TOMM40L: variants seen among roughly 807,000 people sequenced by gnomAD.
TOMM40L encodes translocase of outer mitochondrial membrane 40 like.
TOMM40L carries 17 observed loss-of-function variants against 38.3 expected under a neutral mutation model. The ratio of observed to expected loss-of-function variants is 0.44; its 90% CI spans 0.30 to 0.67. The LOEUF is 0.67. Among genes scored for constraint, TOMM40L ranks in the 30% least tolerant of loss-of-function variants. TOMM40L has a pLI of 0.08. For synonymous variants in TOMM40L, 151 were observed against 150.2 expected (o/e 1.01, Z -0.04); for missense variants, 294 against 390.0 (o/e 0.75, Z 2.07).
Position 161,227,283 on chromosome 1 carries a change from C to G in TOMM40L, c.209C>G (p.Ala70Gly), listed in dbSNP as rs1666408639. The G allele has an allele frequency of 6.2e-7, 1 of 1,614,052 alleles. No individual in the cohort carries two copies. Among genetic ancestry groups the G allele is most frequent in the Admixed American group, 1.7e-5 (1 of 59,996 alleles). The part of the protein sequence containing the change: ...FQVAHTIHMS[A>G]LGLPGYHLHA... ...GTGGCGCACACTATACACATGAGTG[C>G]CCTGGGCTTGCCGGGATATCACCTC... is the stretch of plus-strand genomic sequence containing the variant. Residue 70 changes from alanine to glycine, a missense_variant, in exon 4 of 10, where the codon GCC becomes GGC. By Grantham distance (60) the Ala-to-Gly change is moderately conservative. Coordinates refer to ENST00000367988, the MANE Select transcript of TOMM40L (RefSeq NM_032174.6).
rs1012976515 is a variant in TOMM40L at position 161,230,636 on chromosome 1, A to G, written c.*1541A>G. 2 of 785,464 alleles carry G rather than the reference A, an allele frequency of 2.5e-6. No homozygotes were observed. Among genetic ancestry groups the G allele is most frequent in the African/African-American group, 1.7e-5 (1 of 57,348 alleles). The allele number at this position is 785,464 out of a possible 1,614,324, so 48.7% of individuals were successfully genotyped here. A position where few individuals can be genotyped will look rare whatever the true frequency, so the allele number is the denominator to read the frequency against. ...AGATGAAACAGCAGTATCCAAATAC[A>G]GCAATTTGGATGCTGAAACGATGTG... On this transcript the variant is annotated 3_prime_UTR_variant, in exon 10 of 10. Coordinates refer to ENST00000367988, the MANE Select transcript of TOMM40L (RefSeq NM_032174.6).
intron 6 of TOMM40L, 52 bp from the exon 7 acceptor site, chr1:161,228,134 G>A (rs1418072584): frequency 6.4e-7 from 1 of 1,573,914 alleles, no homozygotes; most frequent in African/African-American, 1.4e-5. Flanking sequence ...TGAGGGAGCA[G>A]GTCTGGATAT....
rs753677361 is a variant in TOMM40L at position 161,227,293 on chromosome 1, G to A, written c.219G>A (p.Leu73=). ...AHTIHMSALG[L]PGYHLHAAYA... is the part of the protein sequence containing the mutation. ...CTATACACATGAGTGCCCTGGGCTT[G>A]CCGGGATATCACCTCCATGCGGCCT... is the stretch of plus-strand genomic sequence containing the variant. Residue 73 remains leucine, a synonymous_variant, in exon 4 of 10, where the codon TTG becomes TTA. Coordinates refer to ENST00000367988, the MANE Select transcript of TOMM40L (RefSeq NM_032174.6). The A allele has an allele frequency of 6.2e-7, 1 of 1,614,184 alleles. No homozygotes were observed. Among genetic ancestry groups the A allele is most frequent in the Admixed American group, 1.7e-5 (1 of 60,026 alleles).
At chr1:161,227,148 T>C (rs1329834319) in intron 3 of TOMM40L, 110 bp from the exon 4 acceptor site, 1 of 1,232,950 alleles carries the variant, frequency 8.1e-7, no homozygotes, top group Admixed American at 1.9e-5. Context: ...TATGTTGGAA[T>C]ATTTAGGATT....
At position 161,230,506 on chromosome 1, in the gene TOMM40L, C is replaced by T; in HGVS notation, c.*1411C>T. The T allele has an allele frequency of 3.8e-6, 2 of 527,190 alleles. No individual in the cohort carries two copies. The highest frequency in any genetic ancestry group is 3.2e-5 in the East Asian group (1 of 31,674). 32.7% of individuals were successfully genotyped at this position (527,190 alleles called of 1,614,324 possible). A position where few individuals can be genotyped will look rare whatever the true frequency, so the allele number is the denominator to read the frequency against. On this transcript the variant is annotated 3_prime_UTR_variant, in exon 10 of 10. Transcript: ENST00000367988. ...TCTGCGTTAGTCTGGAGAAGTTGGA[C>T]TAGTGAGGTAATGGATGTCATCAAT...
chr1:161,226,864 C>T lies in TOMM40L; in HGVS notation c.116-24C>T, dbSNP rs1327371325. On this transcript the variant is annotated intron_variant, in intron 2 of 9. Coordinates refer to ENST00000367988, the MANE Select transcript of TOMM40L (RefSeq NM_032174.6). ...AGGGGTTCTTTGTCTGTGCTTATTC[C>T]TTCCCTTCCCCTACCCCCTTCAGAT... The T allele has an allele frequency of 3.7e-6, 6 of 1,612,768 alleles. 1 individual carries two copies. Among genetic ancestry groups the T allele is most frequent in the Admixed American group, 3.3e-5 (2 of 59,870 alleles).
Position 161,229,941 on chromosome 1 carries a change from G to A in TOMM40L, c.*846G>A. On this transcript the variant is annotated 3_prime_UTR_variant, in exon 10 of 10. Coordinates refer to ENST00000367988, the MANE Select transcript of TOMM40L (RefSeq NM_032174.6). ...CATACAGAAACCTTTGGAGGAAGTAGTGGGGTTGCCAGGAAAACAGGAGGG... is the reference window on the plus strand; with the variant it reads ...CATACAGAAACCTTTGGAGGAAGTAATGGGGTTGCCAGGAAAACAGGAGGG... The A allele has an allele frequency of 6.2e-7, 1 of 1,614,074 alleles. No homozygotes were observed. The highest frequency in any genetic ancestry group is 8.5e-7 in the Non-Finnish European group (1 of 1,179,968).
At position 161,228,461 on chromosome 1, in the gene TOMM40L, C is replaced by T; in HGVS notation, c.641C>T (p.Ser214Leu). 1 of 1,614,116 alleles carries T rather than the reference C, an allele frequency of 6.2e-7. No homozygotes were observed. Among genetic ancestry groups the T allele is most frequent in the Admixed American group, 1.7e-5 (1 of 60,016 alleles). Reference sequence around the variant, plus strand: ...TGGGTAGCTACATTGAATGTGGGATCAGGCGGGGCCCATGCAAGTTACTAC... The same window carrying T: ...TGGGTAGCTACATTGAATGTGGGATTAGGCGGGGCCCATGCAAGTTACTAC... ...VHWVATLNVG[S>L]GGAHASYYHR... Residue 214 changes from serine (S) to leucine (L), a missense_variant, in exon 8 of 10, where the codon TCA becomes TTA. Transcript: ENST00000367988.
Position 161,228,823 on chromosome 1 carries a change from G to T in TOMM40L, c.787+6G>T, listed in dbSNP as rs778559948. 1.9e-6 allele frequency: 3 copies of T among 1,614,018 alleles called. No individual in the cohort carries two copies. The highest frequency in any genetic ancestry group is 2.7e-5 in the African/African-American group (2 of 74,904). On this transcript the variant is annotated splice_donor_region_variant and intron_variant, in intron 9 of 9. Coordinates refer to ENST00000367988, the MANE Select transcript of TOMM40L (RefSeq NM_032174.6). Reference sequence around the variant, plus strand: ...GGCCAACATGGTATTTAGAGGTGAGGGTTATTGGGAGACATTTGGCTATCC... The same window carrying T: ...GGCCAACATGGTATTTAGAGGTGAGTGTTATTGGGAGACATTTGGCTATCC...
intron 8 of TOMM40L, 86 bp from the exon 9 acceptor site, chr1:161,228,629 T>C: frequency 6.4e-7 from 1 of 1,561,260 alleles, no homozygotes; most frequent in Admixed American, 1.7e-5. Flanking sequence ...TTTACATGCA[T>C]GCCTCCATTC....
chr1:161,226,346 CTG>C lies in TOMM40L; in HGVS notation c.-135-7_-135-6del. 1 of 678,058 alleles carries C rather than the reference CTG, an allele frequency of 1.5e-6. No individual in the cohort carries two copies. The highest frequency in any genetic ancestry group is 2.5e-6 in the Non-Finnish European group (1 of 402,818). The allele number at this position is 678,058 out of a possible 1,614,324, so 42.0% of individuals were successfully genotyped here. A position where few individuals can be genotyped will look rare whatever the true frequency, so the allele number is the denominator to read the frequency against. ...TGAGTGCTCTCCTTCCCTACTCTTC[CTG>C]TTCCAGGTGTAGCGTCGGACCATGT... On this transcript the variant is annotated splice_region_variant and splice_polypyrimidine_tract_variant and intron_variant, in intron 1 of 9. Coordinates refer to ENST00000367988, the MANE Select transcript of TOMM40L (RefSeq NM_032174.6).
chr1:161,228,885 G>A (rs1003296079), intron 9 of TOMM40L, 68 bp downstream of exon 9: 8 of 1,613,570 alleles, frequency 5.0e-6, no homozygotes, highest in East Asian at 2.2e-5. Flanking sequence ...AGGGAAGCTC[G>A]ACCTTACTTC....
chr1:161,227,219 A>G (rs1385838311), intron 3 of TOMM40L, 39 bp from the exon 4 acceptor site: 4 of 1,585,320 alleles, frequency 2.5e-6, no homozygotes, highest in Non-Finnish European at 2.6e-6. Flanking sequence ...GAAGTGGAGC[A>G]GGAATGCGCT....
Position 161,230,226 on chromosome 1 carries a change from T to C in TOMM40L, c.*1131T>C. On this transcript the variant is annotated 3_prime_UTR_variant, in exon 10 of 10. Coordinates refer to ENST00000367988, the MANE Select transcript of TOMM40L (RefSeq NM_032174.6). ...TCCAACCATGTGGAATCTGAGGGCC[T>C]GGCCTTCTAGAGCAGGTTCTAGAAG... 1 of 409,598 alleles carries C rather than the reference T, an allele frequency of 2.4e-6. No homozygotes were observed. Among genetic ancestry groups the C allele is most frequent in the Non-Finnish European group, 4.5e-6 (1 of 223,770 alleles). The allele number at this position is 409,598 out of a possible 1,614,324, so 25.4% of individuals were successfully genotyped here. A position where few individuals can be genotyped will look rare whatever the true frequency, so the allele number is the denominator to read the frequency against.
At position 161,226,357 on chromosome 1, in the gene TOMM40L, G is replaced by GT. The variant is rs1184112041; in HGVS notation, c.-132dup. The GT allele has an allele frequency of 1.4e-6, 1 of 720,420 alleles. No individual in the cohort carries two copies. The highest frequency in any genetic ancestry group is 2.7e-5 in the East Asian group (1 of 36,580). The allele number at this position is 720,420 out of a possible 1,614,324, so 44.6% of individuals were successfully genotyped here. A position where few individuals can be genotyped will look rare whatever the true frequency, so the allele number is the denominator to read the frequency against. On this transcript the variant is annotated 5_prime_UTR_variant, in exon 2 of 10. The change abolishes the stop of an existing upstream ORF in the 5' untranslated region. Transcript: ENST00000367988. Reference sequence around the variant, plus strand: ...CTTCCCTACTCTTCCTGTTCCAGGTGTAGCGTCGGACCATGTGGAAGTTTC... The same window carrying GT: ...CTTCCCTACTCTTCCTGTTCCAGGTGTTAGCGTCGGACCATGTGGAAGTTTC...
At position 161,229,756 on chromosome 1, in the gene TOMM40L, A is replaced by C; in HGVS notation, c.*661A>C. On this transcript the variant is annotated 3_prime_UTR_variant, in exon 10 of 10. Coordinates refer to ENST00000367988, the MANE Select transcript of TOMM40L (RefSeq NM_032174.6). ...AGCATTTTCCCACTCCAGTGTATCC[A>C]GGGTGTTCCAGGTGAGCTGGGGAAG... 1 of 1,614,188 alleles carries C rather than the reference A, an allele frequency of 6.2e-7. No individual in the cohort carries two copies. The highest frequency in any genetic ancestry group is 8.5e-7 in the Non-Finnish European group (1 of 1,180,044).
In TOMM40L at chr1:161,230,562, G is replaced by A. The variant is rs1202324367; in HGVS notation, c.*1467G>A. Reference sequence around the variant, plus strand: ...GAATGCTATTACCCAGAGCCTCTGAGCTACTACTTTGCATCTGTACTGAAT... The same window carrying A: ...GAATGCTATTACCCAGAGCCTCTGAACTACTACTTTGCATCTGTACTGAAT... On this transcript the variant is annotated 3_prime_UTR_variant, in exon 10 of 10. Transcript: ENST00000367988. 1.7e-6 allele frequency: 1 copy of A among 585,988 alleles called. No individual in the cohort carries two copies. The highest frequency in any genetic ancestry group is 2.9e-5 in the East Asian group (1 of 35,032). 36.3% of individuals were successfully genotyped at this position (585,988 alleles called of 1,614,324 possible). A position where few individuals can be genotyped will look rare whatever the true frequency, so the allele number is the denominator to read the frequency against.
rs1241492074 is a variant in TOMM40L, at chr1:161,229,668, A to G, written c.*573A>G. On this transcript the variant is annotated 3_prime_UTR_variant, in exon 10 of 10. Coordinates refer to ENST00000367988, the MANE Select transcript of TOMM40L (RefSeq NM_032174.6). ...CCCATGACCGCATGAAGAGGCAGTT[A>G]TTGCTTTAGTCTTTCATTGCAACCA... is the stretch of plus-strand genomic sequence containing the variant. The G allele has an allele frequency of 6.2e-7, 1 of 1,613,792 alleles. No homozygotes were observed. The highest frequency in any genetic ancestry group is 8.5e-7 in the Non-Finnish European group (1 of 1,179,900).
rs779243703 is a variant in TOMM40L at position 161,227,714 on chromosome 1, C to T, written c.355C>T (p.Leu119Phe). 12 of 1,613,342 alleles carry T rather than the reference C, an allele frequency of 7.4e-6. No individual in the cohort carries two copies. In the South Asian group the frequency reaches 1.3e-4, roughly 18 times the overall value. Reference sequence around the variant, plus strand: ...GGTCTTGCTCCTCTTGGCAGAGCGGCTCCGAGCTAAGGCTGTCTTCCAGGT... The same window carrying T: ...GGTCTTGCTCCTCTTGGCAGAGCGGTTCCGAGCTAAGGCTGTCTTCCAGGT... ...AQVLLLLAER[L>F]RAKAVFQTQQ... is the part of the protein sequence containing the mutation. The change falls in exon 5 of 10, where the codon CTC becomes TTC. Residue 119 changes from leucine to phenylalanine, a missense_variant. By Grantham distance (22) the Leu-to-Phe change is conservative (BLOSUM62 0). Transcript: ENST00000367988.
Sources: gnomAD v4.1 joint callset for allele counts on GRCh38, gnomAD v4.1.1 for gene constraint, MANE v1.5 for transcripts, NCBI Gene and HGNC (gene_info 2026-07-23, HGNC 2026-07-21) for gene names.